SPON1: variants seen among roughly 807,000 people sequenced by gnomAD.
SPON1 encodes spondin-1.
Under a neutral mutation model 111.7 loss-of-function variants are expected in SPON1, and 52 were observed. The ratio of observed to expected loss-of-function variants is 0.47; its 90% CI spans 0.37 to 0.59. The LOEUF is 0.59. Ranked by LOEUF, SPON1 falls within the 20% of genes least tolerant of loss-of-function variation. SPON1 has a pLI of 0.00. For synonymous variants in SPON1, 410 were observed against 395.8 expected (o/e 1.04, Z -0.43); for missense variants, 957 against 1,068.5 (o/e 0.90, Z 1.46).
intron 15 of SPON1, among the ~76,000 whole-genome samples, chr11:14,265,058 G>T (rs1468501619): frequency 6.6e-6 from 1 of 152,202 alleles, no homozygotes; most frequent in East Asian, 1.9e-4. Context: ...CTTGGGTCTA[G>T]TTTGGACTCA....
At chr11:14,021,418 G>A (rs1262680364) in intron 2 of SPON1, among the ~76,000 whole-genome samples, 1 of 152,184 alleles carries the variant, frequency 6.6e-6, no homozygotes, top group East Asian at 1.9e-4. Context: ...AAATGAAGCA[G>A]AAGTCAGGGC....
chr11:14,025,947 A>G (rs1848514765), intron 2 of SPON1, among the ~76,000 whole-genome samples: 1 of 151,998 alleles, frequency 6.6e-6, no homozygotes, highest in Non-Finnish European at 1.5e-5. Flanking sequence ...CCTTCCTGTT[A>G]TGTTCTTTAT....
At chr11:14,207,745 A>C (rs1554936331) in intron 6 of SPON1, among the ~76,000 whole-genome samples, 1 of 152,054 alleles carries the variant, frequency 6.6e-6, no homozygotes, top group Non-Finnish European at 1.5e-5. Flanking sequence ...ACGCTTATAC[A>C]CTATTGGTGG....
chr11:13,968,328 C>T (rs1848035110), intron 1 of SPON1, among the ~76,000 whole-genome samples: 2 of 152,204 alleles, frequency 1.3e-5, no homozygotes, highest in Admixed American at 6.5e-5. Context: ...AACCAGGCTC[C>T]TTCTACCTTG....
intron 6 of SPON1, among the ~76,000 whole-genome samples, chr11:14,170,171 T>C: frequency 6.6e-6 from 1 of 152,208 alleles, no homozygotes; most frequent in Non-Finnish European, 1.5e-5. Flanking sequence ...TTTATTACAT[T>C]GAGCAGTGGT....
intron 6 of SPON1, among the ~76,000 whole-genome samples, chr11:14,195,772 A>G (rs1361963057): frequency 6.6e-6 from 1 of 152,042 alleles, no homozygotes; most frequent in Admixed American, 6.6e-5. Context: ...TGGGGAGTGG[A>G]TTTGGGAGTC....
intron 2 of SPON1, among the ~76,000 whole-genome samples, chr11:13,995,076 A>G (rs1010784354): frequency 3.3e-5 from 5 of 152,132 alleles, no homozygotes; most frequent in Non-Finnish European, 7.4e-5. Flanking sequence ...TTGTAGGATT[A>G]TTTGTTTAAT....
At chr11:14,105,286 A>G (rs1849176168) in intron 5 of SPON1, among the ~76,000 whole-genome samples, 1 of 152,116 alleles carries the variant, frequency 6.6e-6, no homozygotes, top group Non-Finnish European at 1.5e-5. Context: ...TATCTCTTCC[A>G]GAGCACTCCA....
At chr11:14,073,192 T>C (rs576861758) in intron 3 of SPON1, among the ~76,000 whole-genome samples, 142 of 152,270 alleles carry the variant, frequency 9.3e-4, no homozygotes, top group African/African-American at 3.4e-3. Context: ...AAGTTTGTGT[T>C]TTACACAAAC....
At chr11:14,024,744 G>GC (rs1183611788) in intron 2 of SPON1, among the ~76,000 whole-genome samples, 5 of 152,332 alleles carry the variant, frequency 3.3e-5, no homozygotes, top group Admixed American at 2.6e-4. Context: ...ATGGGCACAG[G>GC]CCCAAGGGTG....
chr11:14,037,204 G>A (rs1848601138), intron 2 of SPON1, among the ~76,000 whole-genome samples: 1 of 152,040 alleles, frequency 6.6e-6, no homozygotes, highest in Non-Finnish European at 1.5e-5. Flanking sequence ...TTGGTGTGCT[G>A]CACCCATTAA....
At chr11:13,966,647 C>A (rs1848018266) in intron 1 of SPON1, among the ~76,000 whole-genome samples, 1 of 152,164 alleles carries the variant, frequency 6.6e-6, no homozygotes, top group South Asian at 2.1e-4. Context: ...GTTTGGAGAC[C>A]TCCAAAGCTG....
intron 6 of SPON1, among the ~76,000 whole-genome samples, chr11:14,212,700 A>G (rs1848588468): frequency 6.6e-6 from 1 of 152,206 alleles, no homozygotes; most frequent in African/African-American, 2.4e-5. Context: ...AAGATATTAC[A>G]CTGTTCTCTT....
intron 6 of SPON1, among the ~76,000 whole-genome samples, chr11:14,233,752 CTTTTTCTTTTT>C (rs1848830212): frequency 1.7e-5 from 2 of 114,534 alleles, no homozygotes; most frequent in African/African-American, 6.6e-5. Context: ...AACACTGTTT[CTTTTTCTTTTT>C]TTTTTTTTTT....
At chr11:14,052,197 C>T (rs782281313) in intron 3 of SPON1, among the ~76,000 whole-genome samples, 27 of 152,190 alleles carry the variant, frequency 1.8e-4, no homozygotes, top group Admixed American at 5.9e-4. Context: ...AAAACAAGCC[C>T]AGGGAAACTG....
intron 6 of SPON1, among the ~76,000 whole-genome samples, chr11:14,140,180 C>T (rs1435752193): frequency 6.6e-6 from 1 of 152,168 alleles, no homozygotes; most frequent in Non-Finnish European, 1.5e-5. Context: ...GCTGGAGTCT[C>T]CTTTTCCAAT....
At chr11:14,100,295 G>A (rs1390279800) in intron 5 of SPON1, among the ~76,000 whole-genome samples, 1 of 151,962 alleles carries the variant, frequency 6.6e-6, no homozygotes, top group African/African-American at 2.4e-5. Flanking sequence ...TTGTTCGTTT[G>A]ATTCCATCTA....
At chr11:14,127,793 G>A (rs539790253) in intron 5 of SPON1, among the ~76,000 whole-genome samples, 2 of 152,186 alleles carry the variant, frequency 1.3e-5, no homozygotes, top group African/African-American at 2.4e-5. Flanking sequence ...TGTAAAAAGA[G>A]GTGTAATTGA....
At chr11:14,073,038 T>C (rs1554921083) in intron 3 of SPON1, among the ~76,000 whole-genome samples, 1 of 152,206 alleles carries the variant, frequency 6.6e-6, no homozygotes, top group Non-Finnish European at 1.5e-5. Context: ...AATATTTGCA[T>C]ATACACAATG....
Sources: allele counts gnomAD v4.1 joint callset (sites outside exome capture counted in the v4.1 genomes callset), GRCh38; gene constraint gnomAD v4.1.1; transcripts MANE v1.5; gene names NCBI Gene and HGNC (gene_info 2026-07-23, HGNC 2026-07-21).